COL25A1: variants seen among roughly 807,000 people sequenced by gnomAD.
COL25A1 encodes collagen alpha-1(XXV) chain.
COL25A1 carries 103 observed loss-of-function variants against 128.4 expected under a neutral mutation model. That is an observed-to-expected ratio of 0.80 (90% confidence interval 0.68 to 0.94). The LOEUF (loss-of-function observed/expected upper bound fraction) is 0.94. Among genes scored for constraint, COL25A1 ranks in the 40% least tolerant of loss-of-function variants. The pLI is 0.00. For missense variants in COL25A1, 745 were observed against 840.0 expected, an observed-to-expected ratio of 0.89 and a Z score of 1.40; for synonymous variants, 279 against 277.2, an observed-to-expected ratio of 1.01 and a Z score of -0.06.
At chr4:108,960,236 C>T (rs997323957) in intron 8 of COL25A1, among the ~76,000 whole-genome samples, 4 of 151,960 alleles carry the variant, frequency 2.6e-5, no homozygotes, top group Non-Finnish European at 5.9e-5. Flanking sequence ...AGAGATTGTT[C>T]AGAGACAACA....
At chr4:109,170,638 G>T (rs986010463) in intron 3 of COL25A1, among the ~76,000 whole-genome samples, 1 of 152,158 alleles carries the variant, frequency 6.6e-6, no homozygotes, top group Non-Finnish European at 1.5e-5. Context: ...AAATGGGCAG[G>T]TGGAGAGGAA....
intron 3 of COL25A1, among the ~76,000 whole-genome samples, chr4:109,240,919 A>G (rs1779856896): frequency 7.2e-6 from 1 of 138,624 alleles, no homozygotes; most frequent in African/African-American, 2.9e-5. Context: ...AAATCCTTTC[A>G]GAAACAATGG....
intron 3 of COL25A1, among the ~76,000 whole-genome samples, chr4:109,073,352 T>C (rs952901306): frequency 6.6e-6 from 1 of 152,190 alleles, no homozygotes; most frequent in Admixed American, 6.5e-5. Flanking sequence ...ACCTCCATGA[T>C]GGGCATCATG....
At chr4:109,078,320 C>G (rs990227887) in intron 3 of COL25A1, among the ~76,000 whole-genome samples, 3 of 152,116 alleles carry the variant, frequency 2.0e-5, no homozygotes, top group Admixed American at 6.6e-5. Flanking sequence ...TGAGTATTTA[C>G]CACAGTGTAA....
chr4:109,079,484 T>G (rs1048960120), intron 3 of COL25A1, among the ~76,000 whole-genome samples: 1 of 152,142 alleles, frequency 6.6e-6, no homozygotes, highest in African/African-American at 2.4e-5. Flanking sequence ...AGTCCTGAGA[T>G]GAAAAGCTGA....
At chr4:109,050,945 C>A (rs968521017) in intron 3 of COL25A1, among the ~76,000 whole-genome samples, 5 of 151,314 alleles carry the variant, frequency 3.3e-5, no homozygotes, top group African/African-American at 4.9e-5. Flanking sequence ...AGACTTCGCA[C>A]AAGATTCTAG....
chr4:109,012,806 C>A (rs946617274), intron 5 of COL25A1, among the ~76,000 whole-genome samples: 1 of 152,226 alleles, frequency 6.6e-6, no homozygotes, highest in African/African-American at 2.4e-5. Context: ...GGTGCCGCCC[C>A]CTGCTCCGCA....
At chr4:109,013,655 G>A (rs4085272) in intron 5 of COL25A1, among the ~76,000 whole-genome samples, 77,446 of 151,588 alleles carry the variant, frequency 0.51, 22,497 homozygotes, top group African/African-American at 0.78. Context: ...AACTCTGAAC[G>A]GAAGGAATGA....
At chr4:109,081,071 A>G (rs1319483526) in intron 3 of COL25A1, among the ~76,000 whole-genome samples, 1 of 152,206 alleles carries the variant, frequency 6.6e-6, no homozygotes, top group Non-Finnish European at 1.5e-5. Flanking sequence ...ATTCAGAAGC[A>G]TTTCATGCAT....
chr4:108,843,103 C>T (rs13131127), intron 30 of COL25A1, among the ~76,000 whole-genome samples: 1 of 126,852 alleles, frequency 7.9e-6, no homozygotes, highest in African/African-American at 3.0e-5. Flanking sequence ...GAGCCATGAT[C>T]GTGCCACTGT....
At chr4:108,836,845 G>A (rs7668233) in intron 31 of COL25A1, among the ~76,000 whole-genome samples, 22,335 of 152,118 alleles carry the variant, frequency 0.15, 1,900 homozygotes, top group East Asian at 0.34. Context: ...TTGTGAAGCC[G>A]AGGCGGGTGG....
At chr4:109,085,392 T>C (rs1764259597) in intron 3 of COL25A1, among the ~76,000 whole-genome samples, 1 of 152,190 alleles carries the variant, frequency 6.6e-6, no homozygotes, top group Admixed American at 6.5e-5. Context: ...ACTCCCTTTC[T>C]CTCTTGTCTA....
chr4:108,829,242 G>T (rs1732763537), intron 32 of COL25A1, among the ~76,000 whole-genome samples: 1 of 152,132 alleles, frequency 6.6e-6, no homozygotes, highest in Non-Finnish European at 1.5e-5. Flanking sequence ...CGGGCGCAGT[G>T]GCTTATGCCT....
chr4:109,221,045 A>G (rs1778372953), intron 3 of COL25A1, among the ~76,000 whole-genome samples: 1 of 152,132 alleles, frequency 6.6e-6, no homozygotes, highest in African/African-American at 2.4e-5. Flanking sequence ...AACCCTGCAC[A>G]ATTTTATCAA....
intron 5 of COL25A1, among the ~76,000 whole-genome samples, chr4:109,027,681 C>T (rs116550044): frequency 0.029 from 4,371 of 151,598 alleles, 80 homozygotes; most frequent in Non-Finnish European, 0.045. Flanking sequence ...GTAATAGCAA[C>T]CAAGGAGGTA....
intron 3 of COL25A1, among the ~76,000 whole-genome samples, chr4:109,132,804 A>C (rs1306723815): frequency 6.6e-6 from 1 of 152,096 alleles, no homozygotes; most frequent in African/African-American, 2.4e-5. Context: ...AATTCTGTAA[A>C]CCTTCTAGAT....
At chr4:108,927,602 G>A (rs1030944883) in intron 11 of COL25A1, among the ~76,000 whole-genome samples, 2 of 152,048 alleles carry the variant, frequency 1.3e-5, no homozygotes, top group Non-Finnish European at 2.9e-5. Context: ...AGCCTGTTAC[G>A]AAGATGGCAT....
chr4:109,196,589 G>A (rs188710125), intron 3 of COL25A1, among the ~76,000 whole-genome samples: 5 of 152,154 alleles, frequency 3.3e-5, no homozygotes, highest in Admixed American at 1.3e-4. Flanking sequence ...AAATCTTTTC[G>A]AAGAAAGGTT....
chr4:108,966,231 G>C (rs1381034945), intron 8 of COL25A1, among the ~76,000 whole-genome samples: 1 of 148,988 alleles, frequency 6.7e-6, no homozygotes, highest in African/African-American at 2.5e-5. Flanking sequence ...GTTTTGGGGG[G>C]TATTACTATA....
Sources: allele counts gnomAD v4.1 joint callset (sites outside exome capture counted in the v4.1 genomes callset), GRCh38; gene constraint gnomAD v4.1.1; transcripts MANE v1.5; gene names NCBI Gene and HGNC (gene_info 2026-07-23, HGNC 2026-07-21).